YWHAZ: variants seen among roughly 807,000 people sequenced by gnomAD.
YWHAZ encodes the protein tyrosine 3-monooxygenase/tryptophan 5-monooxygenase activation protein zeta.
For missense variants in YWHAZ, 79 were observed against 284.8 expected, an observed-to-expected ratio of 0.28 and a Z score of 5.20; for synonymous variants, 87 against 103.6, an observed-to-expected ratio of 0.84 and a Z score of 0.97.
In YWHAZ at chr8:100,950,556, A is replaced by G. The variant is rs762814918; in HGVS notation, c.-12+1373T>C. Reference sequence around the variant, plus strand: ...AAGTCCCCGACTCTCCTCCTTTGTCATGGCGGATCTGTGTCAGGGAGCCCA... The same window carrying G: ...AAGTCCCCGACTCTCCTCCTTTGTCGTGGCGGATCTGTGTCAGGGAGCCCA... On this transcript the variant is annotated intron_variant, in intron 1 of 5. Coordinates refer to ENST00000395958, the MANE Select transcript of YWHAZ (RefSeq NM_145690.3). 1.5e-5 allele frequency: 15 copies of G among 985,208 alleles called. No individual in the cohort carries two copies. The South Asian group carries it at 3.3e-4, about 22-fold the overall frequency. 61.0% of individuals were successfully genotyped at this position (985,208 alleles called of 1,614,324 possible).
intron 2 of YWHAZ, among the ~76,000 whole-genome samples, chr8:100,931,532 A>C (rs1813759873): frequency 6.6e-6 from 1 of 152,232 alleles, no homozygotes; most frequent in Non-Finnish European, 1.5e-5. Flanking sequence ...GATGTAATGC[A>C]AATCGTATAA....
chr8:100,938,208 C>G (rs73697341), intron 2 of YWHAZ, among the ~76,000 whole-genome samples: 168 of 152,274 alleles, frequency 1.1e-3, no homozygotes, highest in African/African-American at 4.0e-3. Context: ...CTCATCCCCC[C>G]CTACAAACCC....
intron 2 of YWHAZ, among the ~76,000 whole-genome samples, chr8:100,938,369 G>A (rs1178533013): frequency 1.3e-5 from 2 of 152,120 alleles, no homozygotes; most frequent in African/African-American, 2.4e-5. Context: ...AAATAAAAAG[G>A]CTAGATCAGA....
At chr8:100,950,493 C>A (rs1334736675) in intron 1 of YWHAZ, 15 of 985,608 alleles carry the variant, frequency 1.5e-5, no homozygotes, top group South Asian at 4.7e-5. Flanking sequence ...ATCGCAACCA[C>A]CCCCCTCCAG....
chr8:100,947,700 C>CA (rs1810407365), intron 2 of YWHAZ, among the ~76,000 whole-genome samples: 2 of 152,322 alleles, frequency 1.3e-5, no homozygotes, highest in South Asian at 4.1e-4. Context: ...TAGTAAGTAA[C>CA]AAACCTGGAT....
At chr8:100,951,478 G>C (rs888525117) in intron 1 of YWHAZ, 68 of 982,286 alleles carry the variant, frequency 6.9e-5, no homozygotes, top group Non-Finnish European at 7.6e-5. Context: ...GATGCCCGCC[G>C]CCGCCGCCGC....
chr8:100,951,498 ATC>A, intron 1 of YWHAZ: 1 of 985,620 alleles, frequency 1.0e-6, no homozygotes. Flanking sequence ...CCGAGTCATT[ATC>A]TCGGGCGGAA....
Position 100,917,099 on chromosome 8 carries a change from T to C in YWHAZ, c.*3594A>G, listed in dbSNP as rs2130041559. 6.6e-6 allele frequency: 1 copy of C among 152,134 alleles called. No homozygotes were observed. The highest frequency in any genetic ancestry group is 3.4e-3 in the Middle Eastern group (1 of 294). 9.4% of individuals were successfully genotyped at this position (152,134 alleles called of 1,614,324 possible). A position where few individuals can be genotyped will look rare whatever the true frequency, so the allele number is the denominator to read the frequency against. On this transcript the variant is annotated 3_prime_UTR_variant, in exon 6 of 6. Coordinates refer to ENST00000395958, the MANE Select transcript of YWHAZ (RefSeq NM_145690.3). Reference sequence around the variant, plus strand: ...GAGCACCAGTTTTCAAAGTCAAAGTTTCACTCTCCATTTGAAGCCTGACTA... The same window carrying C: ...GAGCACCAGTTTTCAAAGTCAAAGTCTCACTCTCCATTTGAAGCCTGACTA...
rs1191187695 is a variant in YWHAZ at position 100,918,438 on chromosome 8, ATATAT to A, written c.*2250_*2254del. On this transcript the variant is annotated 3_prime_UTR_variant, in exon 6 of 6. Transcript: ENST00000395958. ...TATATATATATATATATATATATAT[ATATAT>A]AATTATTTTACCTCCTTGGCTTGGG... 3.6e-5 allele frequency: 4 copies of A among 112,398 alleles called. No homozygotes were observed. Among genetic ancestry groups the A allele is most frequent in the East Asian group, 6.0e-4 (2 of 3,312 alleles). The allele number at this position is 112,398 out of a possible 1,614,324, so 7.0% of individuals were successfully genotyped here.
At position 100,948,928 on chromosome 8, in the gene YWHAZ, A is replaced by C. The variant is rs1009344018; in HGVS notation, c.-11-28T>G. 2.6e-6 allele frequency: 4 copies of C among 1,543,288 alleles called. No individual in the cohort carries two copies. Among genetic ancestry groups the C allele is most frequent in the Non-Finnish European group, 3.5e-6 (4 of 1,155,960 alleles). Reference sequence around the variant, plus strand: ...GCAGGGGGGAAAAAAGGAGTATTTAAAATTTTTCCCATCAAAATAAACAGA... The same window carrying C: ...GCAGGGGGGAAAAAAGGAGTATTTACAATTTTTCCCATCAAAATAAACAGA... On this transcript the variant is annotated intron_variant, in intron 1 of 5. Coordinates refer to ENST00000395958, the MANE Select transcript of YWHAZ (RefSeq NM_145690.3). The surrounding 1 kb of genome is among the most constrained non-coding windows in gnomAD (Gnocchi z 4.2).
chr8:100,928,892 C>G (rs1813563866), intron 2 of YWHAZ, among the ~76,000 whole-genome samples: 2 of 152,030 alleles, frequency 1.3e-5, no homozygotes, highest in South Asian at 4.1e-4. Context: ...CTCCAAGAGA[C>G]AAGACCAATT....
upstream of YWHAZ, chr8:100,952,407 C>T (rs77774580): frequency 0.013 from 2,009 of 154,816 alleles, 49 homozygotes; most frequent in African/African-American, 0.045. Context: ...CTCCCTCTCC[C>T]CTGCAGCCTC....
intron 1 of YWHAZ, chr8:100,951,527 G>T: frequency 1.0e-6 from 1 of 985,636 alleles, no homozygotes; most frequent in Non-Finnish European, 1.2e-6. Context: ...AGGGCGGCGA[G>T]GGAGGGGGTG....
intron 1 of YWHAZ, among the ~76,000 whole-genome samples, chr8:100,949,507 G>C (rs1164739644): frequency 1.3e-5 from 2 of 151,900 alleles, no homozygotes; most frequent in Non-Finnish European, 2.9e-5. Context: ...ATGACCAACT[G>C]TTTGTTTTCA....
chr8:100,952,719 C>G, upstream of YWHAZ: 3 of 914,010 alleles, frequency 3.3e-6, no homozygotes, highest in Non-Finnish European at 4.0e-6. Flanking sequence ...GGGGGCAGGG[C>G]GCGGTCGCAC....
rs1810498143 is a variant in YWHAZ, at chr8:100,948,894, G to A, written c.-5C>T. The A allele has an allele frequency of 6.3e-7, 1 of 1,585,320 alleles. No individual in the cohort carries two copies. Among genetic ancestry groups the A allele is most frequent in the East Asian group, 2.2e-5 (1 of 44,628 alleles). ...AACCAGCTCATTTTTATCCATGACT[G>A]GATGTTCTGCAGGGGGGAAAAAAGG... On this transcript the variant is annotated 5_prime_UTR_variant, in exon 2 of 6. Transcript: ENST00000395958. The surrounding 1 kb of genome is among the most constrained non-coding windows in gnomAD (Gnocchi z 4.2).
At position 100,948,257 on chromosome 8, in the gene YWHAZ, A is replaced by C. The variant is rs1280323912; in HGVS notation, c.294+339T>G. 2 of 905,528 alleles carry C rather than the reference A, an allele frequency of 2.2e-6. No homozygotes were observed. The highest frequency in any genetic ancestry group is 3.4e-5 in the African/African-American group (2 of 59,530). 56.1% of individuals were successfully genotyped at this position (905,528 alleles called of 1,614,324 possible). A position where few individuals can be genotyped will look rare whatever the true frequency, so the allele number is the denominator to read the frequency against. On this transcript the variant is annotated intron_variant, in intron 2 of 5. Coordinates refer to ENST00000395958, the MANE Select transcript of YWHAZ (RefSeq NM_145690.3). The surrounding 1 kb of genome is among the most constrained non-coding windows in gnomAD (Gnocchi z 4.2). ...AAAATTCCTTTATCCACAGATGTACATTTAAGATAACCAGCTATAGAGCTA... is the reference window on the plus strand; with the variant it reads ...AAAATTCCTTTATCCACAGATGTACCTTTAAGATAACCAGCTATAGAGCTA...
rs35069019 is a variant in YWHAZ, at chr8:100,934,157, CAAAAAAA to C, written c.295-9125_295-9119del. Among the ~76,000 whole-genome samples the C allele has an allele frequency of 1.6e-3, 124 of 78,200 alleles. 1 individual carries two copies. The highest frequency in any genetic ancestry group is 0.015 in the Middle Eastern group (2 of 136). 51.3% of individuals were successfully genotyped at this position (78,200 alleles called of 152,430 possible). ...CTGGGCAACAAAGCTAGACTCGTCT[CAAAAAAA>C]AAAAAAAAAAAAAAAAAAAAAATTA... On this transcript the variant is annotated intron_variant, in intron 2 of 5. Coordinates refer to ENST00000395958, the MANE Select transcript of YWHAZ (RefSeq NM_145690.3).
chr8:100,934,157 CAAAAAAAAAAAAAAAAAAA>C (rs35069019), intron 2 of YWHAZ, among the ~76,000 whole-genome samples: 3 of 78,228 alleles, frequency 3.8e-5, no homozygotes, highest in African/African-American at 1.5e-4. Flanking sequence ...AGACTCGTCT[CAAAAAAAAAAAAAAAAAAA>C]AAAAAAAAAA....
Sources: gnomAD v4.1 joint callset for allele counts (sites outside exome capture counted in the v4.1 genomes callset) on GRCh38, gnomAD v4.1.1 for gene constraint, Gnocchi (gnomAD v3.1) non-coding constraint, MANE v1.5 for transcripts, NCBI Gene and HGNC (gene_info 2026-07-23, HGNC 2026-07-21) for gene names.